Variants in WT1 observed in about 807,000 individuals in gnomAD.
The protein encoded by WT1 is Wilms tumor protein.
WT1 carries 8 observed loss-of-function variants against 60.8 expected under a neutral mutation model. The observed-to-expected ratio is 0.13, with a 90% CI of 0.08 to 0.24. The LOEUF is 0.24. Ranked by LOEUF, WT1 falls within the 10% of genes least tolerant of loss-of-function variation. The pLI is 1.00. For missense variants in WT1, 568 were observed against 711.8 expected (o/e 0.80, Z 2.30); for synonymous variants, 312 against 297.1 (o/e 1.05, Z -0.52).
At chr11:32,427,593 T>G (rs1853098507) in intron 3 of WT1, among the ~76,000 whole-genome samples, 1 of 152,146 alleles carries the variant, frequency 6.6e-6, no homozygotes, top group Non-Finnish European at 1.5e-5. Flanking sequence ...GTGTGGCCAT[T>G]GGATGGGTTT....
chr11:32,395,514 C>T (rs11031763), intron 7 of WT1, among the ~76,000 whole-genome samples: 22,164 of 151,340 alleles, frequency 0.15, 2,660 homozygotes, highest in East Asian at 0.65. Flanking sequence ...CTCTGTCGCC[C>T]AGGCTGGAGT....
chr11:32,421,320 T>A (rs1008698987), intron 3 of WT1, among the ~76,000 whole-genome samples: 1 of 152,174 alleles, frequency 6.6e-6, no homozygotes, highest in African/African-American at 2.4e-5. Context: ...ACCACCTCAT[T>A]CCCAGAGGAG....
At position 32,388,778 on chromosome 11, in the gene WT1, A is replaced by C. The variant is rs181881769; in HGVS notation, c.*280T>G. 5.7e-6 allele frequency: 3 copies of C among 527,942 alleles called. No individual in the cohort carries two copies. The Admixed American group carries it at 9.6e-5, about 17-fold the overall frequency. The allele number at this position is 527,942 out of a possible 1,614,324, so 32.7% of individuals were successfully genotyped here. On this transcript the variant is annotated 3_prime_UTR_variant, in exon 10 of 10. Coordinates refer to ENST00000452863, the MANE Select transcript of WT1 (RefSeq NM_024426.6). ...CATGATCAGCTATGGCTCTTCTTAC[A>C]GTAGAAAATCCACACCAAATGGCAA...
Position 32,388,903 on chromosome 11 carries a change from G to T in WT1, c.*155C>A. 1 of 1,369,786 alleles carries T rather than the reference G, an allele frequency of 7.3e-7. No individual in the cohort carries two copies. Among genetic ancestry groups the T allele is most frequent in the Non-Finnish European group, 1.0e-6 (1 of 1,000,650 alleles). 84.9% of individuals were successfully genotyped at this position (1,369,786 alleles called of 1,614,324 possible). ...AGACCAACTCTTCCAGGCACACCTG[G>T]TAGTTTCCAGAAGCACCGGTATCTT... On this transcript the variant is annotated 3_prime_UTR_variant, in exon 10 of 10. Coordinates refer to ENST00000452863, the MANE Select transcript of WT1 (RefSeq NM_024426.6).
At chr11:32,434,616 G>A in intron 1 of WT1, 84 bp downstream of exon 1, 1 of 1,599,864 alleles carries the variant, frequency 6.3e-7, no homozygotes, top group Admixed American at 1.7e-5. Context: ...GCGGTCAAAA[G>A]GGGTAGGAGA....
intron 5 of WT1, among the ~76,000 whole-genome samples, chr11:32,402,899 A>G (rs530736367): frequency 3.9e-5 from 6 of 152,290 alleles, no homozygotes; most frequent in South Asian, 4.1e-4. Flanking sequence ...ACACAACATT[A>G]AAGTTCTGCC....
chr11:32,414,480 G>C (rs1852602120), intron 5 of WT1, among the ~76,000 whole-genome samples: 1 of 152,092 alleles, frequency 6.6e-6, no homozygotes, highest in Non-Finnish European at 1.5e-5. Context: ...TCACCACATT[G>C]TCCAAGCTGA....
At chr11:32,429,648 G>A (rs991815403) in intron 1 of WT1, among the ~76,000 whole-genome samples, 2 of 152,100 alleles carry the variant, frequency 1.3e-5, no homozygotes, top group East Asian at 3.9e-4. Context: ...CCAAGGATGG[G>A]GTCTCATTCC....
intron 8 of WT1, among the ~76,000 whole-genome samples, 165 bp downstream of exon 8, chr11:32,392,500 CT>C (rs2132917805): frequency 6.6e-6 from 1 of 152,118 alleles, no homozygotes; most frequent in Non-Finnish European, 1.5e-5. Context: ...CTTTCTTTTT[CT>C]TTATTTAAGA....
At chr11:32,417,450 T>C in intron 4 of WT1, 127 bp downstream of exon 4, 1 of 852,334 alleles carries the variant, frequency 1.2e-6, no homozygotes, top group Non-Finnish European at 1.9e-6. Context: ...GAAAGCGTTC[T>C]AATGTCACAG....
At chr11:32,422,355 C>T (rs1236040686) in intron 3 of WT1, among the ~76,000 whole-genome samples, 5 of 152,208 alleles carry the variant, frequency 3.3e-5, no homozygotes, top group African/African-American at 9.7e-5. Context: ...TCCCTGGAGA[C>T]GAGTTTAATT....
chr11:32,417,516 T>C (rs1852713731), intron 4 of WT1, 61 bp downstream of exon 4: 4 of 1,476,080 alleles, frequency 2.7e-6, no homozygotes, highest in Non-Finnish European at 3.8e-6. Context: ...TAAGCACCTT[T>C]GAAATGGTTC....
At chr11:32,390,803 T>C (rs1281169066) in intron 9 of WT1, among the ~76,000 whole-genome samples, 1 of 152,212 alleles carries the variant, frequency 6.6e-6, no homozygotes, top group Admixed American at 6.5e-5. Context: ...AGAGTAAATA[T>C]CTGCCCCTTC....
chr11:32,427,934 G>A (rs372118657), intron 3 of WT1, 22 bp downstream of exon 3: 480 of 1,596,956 alleles, frequency 3.0e-4, no homozygotes, highest in Non-Finnish European at 3.7e-4. Flanking sequence ...GGACCCAGAC[G>A]CAGAGCCCAG....
chr11:32,421,216 C>A (rs1440595380), intron 3 of WT1, among the ~76,000 whole-genome samples: 1 of 152,224 alleles, frequency 6.6e-6, no homozygotes, highest in Non-Finnish European at 1.5e-5. Context: ...CAGCTCTCAT[C>A]ATGGAAGCCC....
Position 32,428,699 on chromosome 11 carries a change from G to T in WT1, c.662-80C>A, listed in dbSNP as rs886212046. On this transcript the variant is annotated intron_variant, in intron 1 of 9. Transcript: ENST00000452863. ...CAGTGGGTCTGAACCAGCCACGGGCGGGGGGGGTGTGCGCTGAACCCCGCA... is the reference window on the plus strand; with the variant it reads ...CAGTGGGTCTGAACCAGCCACGGGCTGGGGGGGTGTGCGCTGAACCCCGCA... 1.6e-5 allele frequency: 22 copies of T among 1,370,584 alleles called. No homozygotes were observed. The East Asian group carries it at 5.7e-4, about 36-fold the overall frequency. 84.9% of individuals were successfully genotyped at this position (1,370,584 alleles called of 1,614,324 possible).
At chr11:32,402,803 G>A (rs1289093470) in intron 5 of WT1, among the ~76,000 whole-genome samples, 1 of 152,140 alleles carries the variant, frequency 6.6e-6, no homozygotes, top group East Asian at 1.9e-4. Flanking sequence ...CTCCCACCTT[G>A]GCCTCCCAAA....
intron 5 of WT1, among the ~76,000 whole-genome samples, chr11:32,407,957 T>C (rs11031769): frequency 0.28 from 42,599 of 151,938 alleles, 6,739 homozygotes; most frequent in East Asian, 0.68. Context: ...GCGCGGTGGA[T>C]CATGCCTGTA....
intron 3 of WT1, 130 bp downstream of exon 3, chr11:32,427,826 C>T: frequency 1.5e-6 from 1 of 673,932 alleles, no homozygotes; most frequent in Non-Finnish European, 2.5e-6. Flanking sequence ...GGAGTCGAGG[C>T]GTCTCGTGCC....
Sources: gnomAD v4.1 joint callset for allele counts (sites outside exome capture counted in the v4.1 genomes callset) on GRCh38, gnomAD v4.1.1 for gene constraint, MANE v1.5 for transcripts, NCBI Gene and HGNC (gene_info 2026-07-23, HGNC 2026-07-21) for gene names.